Variants in PCDHGA2 observed in about 807,000 individuals in gnomAD.
PCDHGA2 encodes protocadherin gamma subfamily A, 2.
Under a neutral mutation model 59.2 loss-of-function variants are expected in PCDHGA2, and 40 were observed. The observed-to-expected ratio is 0.68, with a 90% confidence interval of 0.52 to 0.88. The LOEUF is 0.88. Ranked by LOEUF, PCDHGA2 falls within the 40% of genes least tolerant of loss-of-function variation. PCDHGA2 has a pLI of 0.00. For synonymous variants in PCDHGA2, 560 were observed against 526.0 expected (o/e 1.06, Z -0.89); for missense variants, 1,226 against 1,204.0 (o/e 1.02, Z -0.27).
At position 141,340,453 on chromosome 5, in the gene PCDHGA2, C is replaced by T; in HGVS notation, c.1482C>T (p.Asp494=). Residue 494 remains aspartate, a synonymous_variant, in exon 1 of 4, where the codon GAC becomes GAT. Transcript: ENST00000394576. ...ATGTAACTTACTCTTTCGCGGAGGA[C>T]ACTGTTCAGGGGGCACCCTTATCCT... ...NAHVTYSFAE[D]TVQGAPLSSY... The T allele has an allele frequency of 6.2e-7, 1 of 1,614,240 alleles. No homozygotes were observed. Among genetic ancestry groups the T allele is most frequent in the Non-Finnish European group, 8.5e-7 (1 of 1,180,054 alleles).
chr5:141,492,616 G>A (rs976681246), intron 1 of PCDHGA2, among the ~76,000 whole-genome samples: 1 of 152,252 alleles, frequency 6.6e-6, no homozygotes. Flanking sequence ...CTAAGTGCCG[G>A]GCGGGCAGGA....
At chr5:141,390,012 G>A (rs370865188) in intron 1 of PCDHGA2, 2 of 1,614,034 alleles carry the variant, frequency 1.2e-6, no homozygotes, top group South Asian at 2.2e-5. Context: ...TCTGGCCATT[G>A]CCTTGCGCCT....
intron 1 of PCDHGA2, chr5:141,422,397 C>A (rs753017439): frequency 6.3e-6 from 10 of 1,597,488 alleles, no homozygotes; most frequent in African/African-American, 2.7e-5. Context: ...TTCCTAACCA[C>A]CTGCCTTTTA....
intron 1 of PCDHGA2, among the ~76,000 whole-genome samples, chr5:141,436,175 A>G (rs1263518258): frequency 1.3e-5 from 2 of 152,192 alleles, no homozygotes; most frequent in Non-Finnish European, 2.9e-5. Flanking sequence ...CAGTTCTCAT[A>G]TATAGTCAAA....
intron 1 of PCDHGA2, among the ~76,000 whole-genome samples, chr5:141,443,486 A>AAAAC (rs1345310906): frequency 6.6e-6 from 1 of 152,166 alleles, no homozygotes; most frequent in Non-Finnish European, 1.5e-5. Flanking sequence ...ACCCTGTCCC[A>AAAAC]AAACAAACAA....
chr5:141,389,324 G>A (rs1425596117), intron 1 of PCDHGA2: 2 of 1,613,848 alleles, frequency 1.2e-6, no homozygotes, highest in African/African-American at 1.3e-5. Flanking sequence ...CGGACTTGGG[G>A]CCCAACGGCC....
At chr5:141,379,885 G>A (rs1386862862) in intron 1 of PCDHGA2, among the ~76,000 whole-genome samples, 2 of 89,210 alleles carry the variant, frequency 2.2e-5, no homozygotes, top group African/African-American at 8.6e-5. Context: ...GTCTGTGAAA[G>A]CCTCTTTTTT....
intron 1 of PCDHGA2, among the ~76,000 whole-genome samples, chr5:141,443,085 G>A (rs991288098): frequency 3.9e-5 from 6 of 151,916 alleles, no homozygotes; most frequent in Admixed American, 2.6e-4. Flanking sequence ...GAGTGTTCCA[G>A]TCTCCTTCTC....
chr5:141,371,249 C>A, intron 1 of PCDHGA2: 1 of 1,613,988 alleles, frequency 6.2e-7, no homozygotes, highest in Admixed American at 1.7e-5. Flanking sequence ...TCAATATTGG[C>A]AAGGAAGTGA....
At chr5:141,370,362 C>T (rs1766839959) in intron 1 of PCDHGA2, 3 of 1,517,790 alleles carry the variant, frequency 2.0e-6, no homozygotes, top group Non-Finnish European at 2.6e-6. Context: ...CTCCTCTCCT[C>T]GGATTTAGAA....
rs1036344847 is a variant in PCDHGA2 at position 141,424,050 on chromosome 5, C to G, written c.2425-70757C>G. 9.9e-6 allele frequency: 10 copies of G among 1,014,084 alleles called. No homozygotes were observed. The African/African-American group carries it at 1.6e-4, about 16-fold the overall frequency. The allele number at this position is 1,014,084 out of a possible 1,614,324, so 62.8% of individuals were successfully genotyped here. A position where few individuals can be genotyped will look rare whatever the true frequency, so the allele number is the denominator to read the frequency against. ...ACTTTTTATTTCCATTTCAATTTTG[C>G]TGTGCCTTCACTGATTTGTAGTTAT... On this transcript the variant is annotated intron_variant, in intron 1 of 3. Coordinates refer to ENST00000394576, the MANE Select transcript of PCDHGA2 (RefSeq NM_018915.4).
intron 1 of PCDHGA2, chr5:141,422,347 G>A (rs1456770985): frequency 3.9e-6 from 6 of 1,553,980 alleles, no homozygotes; most frequent in Non-Finnish European, 5.2e-6. Context: ...AAATGTGCAA[G>A]ATCAAGATTC....
In PCDHGA2 at chr5:141,476,210, G is replaced by A; in HGVS notation, c.2425-18597G>A. ...TGGTGCCTTGAACAAGGCTTCCACG[G>A]TCATTCACTATGAGATCCCGGAGGA... is the stretch of plus-strand genomic sequence containing the variant. On this transcript the variant is annotated intron_variant, in intron 1 of 3. Coordinates refer to ENST00000394576, the MANE Select transcript of PCDHGA2 (RefSeq NM_018915.4). The surrounding 1 kb of genome is among the most constrained non-coding windows in gnomAD (Gnocchi z 7.6). 6.2e-7 allele frequency: 1 copy of A among 1,614,012 alleles called. No individual in the cohort carries two copies. Among genetic ancestry groups the A allele is most frequent in the Non-Finnish European group, 8.5e-7 (1 of 1,180,012 alleles).
In PCDHGA2 at chr5:141,427,684, C is replaced by T. The variant is rs765112627; in HGVS notation, c.2425-67123C>T. 3.6e-6 allele frequency: 3 copies of T among 841,720 alleles called. No individual in the cohort carries two copies. In the Admixed American group the frequency reaches 5.8e-5, roughly 16 times the overall value. 52.1% of individuals were successfully genotyped at this position (841,720 alleles called of 1,614,324 possible). A position where few individuals can be genotyped will look rare whatever the true frequency, so the allele number is the denominator to read the frequency against. On this transcript the variant is annotated intron_variant, in intron 1 of 3. Transcript: ENST00000394576. The stretch of plus-strand genomic sequence containing the variant: ...GTGGCCGAAAACAACCTTCCCGGAG[C>T]CTCCATCCCACAAGTCAGCGCCTCT...
intron 2 of PCDHGA2, among the ~76,000 whole-genome samples, chr5:141,497,076 C>T (rs1052240279): frequency 5.9e-5 from 9 of 151,826 alleles, no homozygotes; most frequent in Non-Finnish European, 8.8e-5. Context: ...GTAATCCCAG[C>T]GACTTAGGAG....
intron 1 of PCDHGA2, chr5:141,478,489 C>G (rs779457709): frequency 5.6e-6 from 9 of 1,613,162 alleles, no homozygotes; most frequent in Middle Eastern, 1.6e-4. Flanking sequence ...CGCTGCGGAG[C>G]TGTGATCCGG....
chr5:141,382,749 G>C, intron 1 of PCDHGA2: 1 of 612,214 alleles, frequency 1.6e-6, no homozygotes, highest in Non-Finnish European at 2.8e-6. Context: ...GACAGATTGC[G>C]ATAAGCCCTC....
At chr5:141,408,797 C>T (rs965305130) in intron 1 of PCDHGA2, 1 of 1,612,958 alleles carries the variant, frequency 6.2e-7, no homozygotes, top group African/African-American at 1.3e-5. Flanking sequence ...TCTGGAGAAA[C>T]TCCTAGACCG....
Position 141,476,676 on chromosome 5 carries a change from G to T in PCDHGA2, c.2425-18131G>T. 1.2e-6 allele frequency: 2 copies of T among 1,614,222 alleles called. No individual in the cohort carries two copies. The highest frequency in any genetic ancestry group is 1.7e-6 in the Non-Finnish European group (2 of 1,180,054). ...TACTTTGCGCTTCGCGTGCAGACGC[G>T]GGAGGACAGCACCAAGTACGCGGAG... On this transcript the variant is annotated intron_variant, in intron 1 of 3. Transcript: ENST00000394576. The surrounding 1 kb of genome is among the most constrained non-coding windows in gnomAD (Gnocchi z 7.6).
Sources: gnomAD v4.1 joint callset for allele counts (sites outside exome capture counted in the v4.1 genomes callset) on GRCh38, gnomAD v4.1.1 for gene constraint, Gnocchi (gnomAD v3.1) non-coding constraint, MANE v1.5 for transcripts, NCBI Gene and HGNC (gene_info 2026-07-23, HGNC 2026-07-21) for gene names.